The following SYT9 variants were observed in gnomAD, a reference collection of about 807,000 sequenced individuals.
SYT9 encodes synaptotagmin-9.
A neutral mutation model predicts 48.4 loss-of-function variants in SYT9; 22 were observed. The observed-to-expected ratio is 0.45, with a 90% confidence interval of 0.32 to 0.65. The LOEUF (loss-of-function observed/expected upper bound fraction) is 0.65. Ranked by LOEUF, SYT9 falls within the 30% of genes least tolerant of loss-of-function variation. The pLI, the probability that SYT9 is intolerant of heterozygous loss-of-function variation, is 0.03. For missense variants in SYT9, 577 were observed against 622.0 expected, an observed-to-expected ratio of 0.93 and a Z score of 0.77; for synonymous variants, 265 against 245.0, an observed-to-expected ratio of 1.08 and a Z score of -0.76.
intron 3 of SYT9, among the ~76,000 whole-genome samples, chr11:7,391,299 T>C (rs767116348): frequency 9.2e-5 from 14 of 152,156 alleles, no homozygotes; most frequent in Non-Finnish European, 1.5e-4. Context: ...TAGAATGATG[T>C]ATTTTCCTTT....
At chr11:7,425,896 G>C (rs1220109497) in intron 6 of SYT9, among the ~76,000 whole-genome samples, 1 of 152,122 alleles carries the variant, frequency 6.6e-6, no homozygotes, top group Non-Finnish European at 1.5e-5. Context: ...ATGTCTCAGT[G>C]TCTCTGAGAA....
rs533241979 is a variant in SYT9, at chr11:7,388,383, C to A, written c.1045-27659C>A. ...TGGTTATTCGTGCCTTTTTTTCTCT[C>A]CTGCCCCTTTCCTTTTTCTGTCTTG... is the stretch of plus-strand genomic sequence containing the variant. On this transcript the variant is annotated intron_variant, in intron 3 of 6. Transcript: ENST00000318881. Among the ~76,000 whole-genome samples, 7 of 152,150 alleles carry A rather than the reference C, an allele frequency of 4.6e-5. No homozygotes were observed. In the East Asian group the frequency reaches 1.4e-3, roughly 29 times the overall value.
chr11:7,446,006 G>A (rs1375337805), intron 6 of SYT9, among the ~76,000 whole-genome samples: 1 of 152,240 alleles, frequency 6.6e-6, no homozygotes, highest in Admixed American at 6.5e-5. Flanking sequence ...GCATAGAACT[G>A]GTCACAAGGC....
chr11:7,346,384 T>A (rs997996088), intron 3 of SYT9, among the ~76,000 whole-genome samples: 5 of 152,218 alleles, frequency 3.3e-5, no homozygotes, highest in African/African-American at 1.2e-4. Flanking sequence ...ATGGCACGAA[T>A]GGATGGGACC....
intron 3 of SYT9, among the ~76,000 whole-genome samples, chr11:7,342,841 A>T (rs533598226): frequency 6.6e-6 from 1 of 152,364 alleles, no homozygotes; most frequent in Admixed American, 6.5e-5. Flanking sequence ...CTGGACATCC[A>T]GGCATTTCCA....
chr11:7,296,729 T>G (rs1848814731), intron 1 of SYT9, among the ~76,000 whole-genome samples: 2 of 152,224 alleles, frequency 1.3e-5, no homozygotes, highest in African/African-American at 4.8e-5. Flanking sequence ...AAATAAAGGC[T>G]TTGTATTTAC....
At chr11:7,404,410 A>G (rs940650452) in intron 3 of SYT9, among the ~76,000 whole-genome samples, 1 of 151,980 alleles carries the variant, frequency 6.6e-6, no homozygotes, top group African/African-American at 2.4e-5. Context: ...TTTTGGATTA[A>G]CTGAATATTT....
At chr11:7,281,486 G>A (rs1848491504) in intron 1 of SYT9, among the ~76,000 whole-genome samples, 2 of 152,132 alleles carry the variant, frequency 1.3e-5, no homozygotes, top group Admixed American at 6.5e-5. Flanking sequence ...TGATATTACT[G>A]CTTTTTACAT....
intron 3 of SYT9, among the ~76,000 whole-genome samples, chr11:7,388,611 A>C (rs1240824930): frequency 6.6e-6 from 1 of 152,190 alleles, no homozygotes; most frequent in Non-Finnish European, 1.5e-5. Context: ...TTATGCATTT[A>C]AAGCTAAAAT....
At chr11:7,388,163 G>A (rs1007642960) in intron 3 of SYT9, among the ~76,000 whole-genome samples, 5 of 152,174 alleles carry the variant, frequency 3.3e-5, no homozygotes, top group East Asian at 1.9e-4. Context: ...TTTTAATTAC[G>A]GATTCAGTTT....
At chr11:7,328,112 T>A (rs868560856) in intron 3 of SYT9, among the ~76,000 whole-genome samples, 3,075 of 149,864 alleles carry the variant, frequency 0.021, 101 homozygotes, top group African/African-American at 0.07. Context: ...TTAAAAAAAA[T>A]TTTTCTTTTA....
At chr11:7,370,826 T>C (rs1850348711) in intron 3 of SYT9, among the ~76,000 whole-genome samples, 1 of 152,180 alleles carries the variant, frequency 6.6e-6, no homozygotes, top group Non-Finnish European at 1.5e-5. Flanking sequence ...ATGGGATCTA[T>C]TGTGAATGAA....
At chr11:7,460,763 C>T (rs1369311420) in intron 6 of SYT9, among the ~76,000 whole-genome samples, 1 of 152,160 alleles carries the variant, frequency 6.6e-6, no homozygotes, top group Non-Finnish European at 1.5e-5. Flanking sequence ...ATTGGGATAA[C>T]AACATGTGTA....
intron 6 of SYT9, among the ~76,000 whole-genome samples, chr11:7,433,063 G>A (rs1175069523): frequency 6.6e-6 from 1 of 152,108 alleles, no homozygotes; most frequent in African/African-American, 2.4e-5. Context: ...TCATGGCTTG[G>A]TGCTACCCTC....
chr11:7,454,472 A>G (rs1337550138), intron 6 of SYT9, among the ~76,000 whole-genome samples: 2 of 152,182 alleles, frequency 1.3e-5, no homozygotes, highest in Admixed American at 1.3e-4. Flanking sequence ...CCCCCAAAGC[A>G]TGCAAATGCC....
At chr11:7,452,357 A>G (rs1017734252) in intron 6 of SYT9, among the ~76,000 whole-genome samples, 1 of 152,134 alleles carries the variant, frequency 6.6e-6, no homozygotes, top group African/African-American at 2.4e-5. Context: ...CTCACTCAGA[A>G]AAGCTGCTCT....
intron 1 of SYT9, among the ~76,000 whole-genome samples, chr11:7,286,322 C>G (rs1006419285): frequency 6.6e-6 from 1 of 152,236 alleles, no homozygotes; most frequent in African/African-American, 2.4e-5. Context: ...GAAGCAATGT[C>G]CTGAGCTATA....
rs867039028 is a variant in SYT9, at chr11:7,380,363, C to T, written c.1045-35679C>T. Among the ~76,000 whole-genome samples the T allele has an allele frequency of 3.9e-5, 6 of 152,054 alleles. No individual in the cohort carries two copies. In the South Asian group the frequency reaches 1.0e-3, roughly 26 times the overall value. ...ATTAGAATGAATAAGACCTACTATT[C>T]GATAGCACCATAGGGTGACTATAGT... On this transcript the variant is annotated intron_variant, in intron 3 of 6. Transcript: ENST00000318881.
intron 3 of SYT9, among the ~76,000 whole-genome samples, chr11:7,358,546 G>C (rs990635525): frequency 3.3e-5 from 5 of 152,250 alleles, no homozygotes; most frequent in Admixed American, 1.3e-4. Flanking sequence ...GATGGTTCTA[G>C]TGTTTCATCA....
Sources: gnomAD v4.1 joint callset for allele counts (sites outside exome capture counted in the v4.1 genomes callset) on GRCh38, gnomAD v4.1.1 for gene constraint, MANE v1.5 for transcripts, NCBI Gene and HGNC (gene_info 2026-07-23, HGNC 2026-07-21) for gene names.